BCAR3: variants seen among roughly 807,000 people sequenced by gnomAD.
BCAR3 encodes the protein breast cancer anti-estrogen resistance protein 3.
Under a neutral mutation model 80.1 loss-of-function variants are expected in BCAR3, and 37 were observed. The ratio of observed to expected loss-of-function variants is 0.46; its 90% CI spans 0.36 to 0.61. BCAR3 has a LOEUF of 0.61. BCAR3 is among the 20% of genes least tolerant of loss of function. The pLI is 0.00. For synonymous variants in BCAR3, 389 were observed against 418.9 expected (o/e 0.93, Z 0.87); for missense variants, 978 against 1,068.2 (o/e 0.92, Z 1.18).
chr1:93,620,468 C>A (rs1203478683), intron 3 of BCAR3, among the ~76,000 whole-genome samples: 1 of 152,116 alleles, frequency 6.6e-6, no homozygotes, highest in African/African-American at 2.4e-5. Flanking sequence ...CCACAACTAC[C>A]AGCTCTCCAT....
chr1:93,746,959 G>A (rs535574451), intron 2 of BCAR3, among the ~76,000 whole-genome samples: 15 of 152,156 alleles, frequency 9.9e-5, no homozygotes, highest in African/African-American at 1.7e-4. Context: ...TTCCTTCTCC[G>A]TTTCCTTCAC....
At chr1:93,655,790 T>C (rs150209624) in intron 2 of BCAR3, among the ~76,000 whole-genome samples, 1 of 152,284 alleles carries the variant, frequency 6.6e-6, no homozygotes, top group Non-Finnish European at 1.5e-5. Flanking sequence ...CTTCAAATTA[T>C]GGACACATAA....
intron 2 of BCAR3, chr1:93,753,415 G>A (rs1159160305): frequency 6.6e-6 from 1 of 152,216 alleles, no homozygotes; most frequent in Admixed American, 6.5e-5. Flanking sequence ...TCTTGGTAGT[G>A]GAGACACATC....
At chr1:93,701,628 T>C (rs77708420) in intron 3 of BCAR3, among the ~76,000 whole-genome samples, 5,170 of 152,312 alleles carry the variant, frequency 0.034, 299 homozygotes, top group African/African-American at 0.12. Context: ...GATGAGGGGC[T>C]GGGCAGGCCC....
At chr1:93,615,004 CTTTT>C (rs912095250) in intron 3 of BCAR3, among the ~76,000 whole-genome samples, 3 of 122,018 alleles carry the variant, frequency 2.5e-5, no homozygotes, top group Admixed American at 8.3e-5. Context: ...TCAACGAGTT[CTTTT>C]TTTTTTTTTT....
intron 2 of BCAR3, among the ~76,000 whole-genome samples, chr1:93,769,354 AATGT>A (rs1191879895): frequency 1.2e-5 from 1 of 82,560 alleles, no homozygotes; most frequent in Non-Finnish European, 2.4e-5. Flanking sequence ...TGTGGGTAGG[AATGT>A]GTGTGTGTGT....
chr1:93,668,701 GCTT>G (rs1648039082), intron 2 of BCAR3, among the ~76,000 whole-genome samples: 1 of 150,360 alleles, frequency 6.7e-6, no homozygotes, highest in African/African-American at 2.5e-5. Flanking sequence ...TCTAATAAAA[GCTT>G]TTTTTTTTTT....
chr1:93,802,697 G>A (rs1262694684), intron 2 of BCAR3, among the ~76,000 whole-genome samples: 1 of 152,234 alleles, frequency 6.6e-6, no homozygotes, highest in African/African-American at 2.4e-5. Context: ...TCAGAAGAAG[G>A]AATGGTCAGA....
At chr1:93,670,523 C>T (rs111828611) in intron 2 of BCAR3, among the ~76,000 whole-genome samples, 125 of 152,302 alleles carry the variant, frequency 8.2e-4, no homozygotes, top group African/African-American at 2.7e-3. Context: ...CAACATTCTT[C>T]GGAGGCTATG....
chr1:93,596,899 G>A (rs1674438408), intron 3 of BCAR3, among the ~76,000 whole-genome samples: 1 of 152,118 alleles, frequency 6.6e-6, no homozygotes, highest in African/African-American at 2.4e-5. Flanking sequence ...CAGCAGCTGT[G>A]GGCTCAGCCT....
chr1:93,587,632 G>T (rs1310822989), intron 5 of BCAR3, among the ~76,000 whole-genome samples: 1 of 151,078 alleles, frequency 6.6e-6, no homozygotes, highest in Non-Finnish European at 1.5e-5. Flanking sequence ...ACAGAGTCCT[G>T]TATTTTCCTC....
chr1:93,846,447 A>G (rs745890520), intron 1 of BCAR3, among the ~76,000 whole-genome samples: 25 of 152,118 alleles, frequency 1.6e-4, no homozygotes, highest in Admixed American at 5.2e-4. Flanking sequence ...TCGCAGAGCA[A>G]CCACGCGGCT....
At chr1:93,761,504 C>A (rs1014899488) in intron 2 of BCAR3, among the ~76,000 whole-genome samples, 1 of 152,208 alleles carries the variant, frequency 6.6e-6, no homozygotes, top group African/African-American at 2.4e-5. Flanking sequence ...AAACCACAGG[C>A]TGGTCTTTGG....
At chr1:93,773,601 C>G (rs1652436000) in intron 2 of BCAR3, among the ~76,000 whole-genome samples, 1 of 152,090 alleles carries the variant, frequency 6.6e-6, no homozygotes, top group South Asian at 2.1e-4. Context: ...AGTCTTAGAC[C>G]AGGTTCCAGT....
chr1:93,619,805 A>T (rs1205092220), intron 3 of BCAR3, among the ~76,000 whole-genome samples: 2 of 152,234 alleles, frequency 1.3e-5, no homozygotes, highest in Non-Finnish European at 2.9e-5. Context: ...GAGCTGTGAG[A>T]CAGACACCTG....
At chr1:93,640,261 A>T (rs1007894319) in intron 3 of BCAR3, among the ~76,000 whole-genome samples, 5 of 152,160 alleles carry the variant, frequency 3.3e-5, no homozygotes, top group African/African-American at 1.2e-4. Flanking sequence ...CAACCCAAGA[A>T]GATGGGTCCC....
intron 2 of BCAR3, among the ~76,000 whole-genome samples, chr1:93,786,316 G>A (rs927309914): frequency 6.6e-6 from 1 of 151,858 alleles, no homozygotes; most frequent in Non-Finnish European, 1.5e-5. Context: ...GAGTGCAGAG[G>A]ACCATGTTGA....
In BCAR3 at chr1:93,562,902, C is replaced by CA. The variant is rs1405597454; in HGVS notation, c.2300-484dup. Among the ~76,000 whole-genome samples, 3 of 151,774 alleles carry CA rather than the reference C, an allele frequency of 2.0e-5. No homozygotes were observed. The East Asian group carries it at 5.8e-4, about 29-fold the overall frequency. On this transcript the variant is annotated intron_variant, in intron 11 of 11. Transcript: ENST00000260502. ...AGGATCTGTTCTATATAAGGGAGAG[C>CA]AGAGCCCCACCCTGCAGAACCTAAG... is the stretch of plus-strand genomic sequence containing the variant.
intron 2 of BCAR3, among the ~76,000 whole-genome samples, chr1:93,773,244 C>T (rs1652424107): frequency 6.6e-6 from 1 of 152,180 alleles, no homozygotes; most frequent in African/African-American, 2.4e-5. Flanking sequence ...AGTCTTCAGG[C>T]AGCTGAAAGT....
Sources: allele counts gnomAD v4.1 joint callset (sites outside exome capture counted in the v4.1 genomes callset), GRCh38; gene constraint gnomAD v4.1.1; transcripts MANE v1.5; gene names NCBI Gene and HGNC (gene_info 2026-07-23, HGNC 2026-07-21).